WDFY4: variants seen among roughly 807,000 people sequenced by gnomAD.
WDFY4 encodes WD repeat- and FYVE domain-containing protein 4.
WDFY4 carries 169 observed loss-of-function variants against 351.9 expected under a neutral mutation model. The observed-to-expected ratio is 0.48, with a 90% confidence interval of 0.42 to 0.55. The LOEUF is 0.55. WDFY4 is among the 20% of genes least tolerant of loss of function. The pLI, the probability that WDFY4 is intolerant of heterozygous loss-of-function variation, is 0.00. For missense variants in WDFY4, 3,803 were observed against 3,935.6 expected (o/e 0.97, Z 0.90); for synonymous variants, 1,622 against 1,574.6 (o/e 1.03, Z -0.71).
chr10:48,870,829 C>T (rs2069742518), intron 40 of WDFY4, among the ~76,000 whole-genome samples: 1 of 152,220 alleles, frequency 6.6e-6, no homozygotes, highest in Non-Finnish European at 1.5e-5. Context: ...TCAGGGATCA[C>T]ACCATTGTCT....
At chr10:48,779,449 C>G (rs73308070) in intron 18 of WDFY4, among the ~76,000 whole-genome samples, 1 of 152,244 alleles carries the variant, frequency 6.6e-6, no homozygotes, top group African/African-American at 2.4e-5. Flanking sequence ...GAGAGTGTCA[C>G]TGTTTCATAG....
intron 39 of WDFY4, among the ~76,000 whole-genome samples, chr10:48,844,839 T>C (rs2068722803): frequency 6.6e-6 from 1 of 152,162 alleles, no homozygotes; most frequent in Admixed American, 6.5e-5. Context: ...CACACTCTGT[T>C]TGAGGGGAAG....
chr10:48,806,320 C>T (rs1453203042), intron 27 of WDFY4, among the ~76,000 whole-genome samples: 2 of 152,202 alleles, frequency 1.3e-5, no homozygotes, highest in African/African-American at 2.4e-5. Context: ...GTGTTCCAGG[C>T]CTCCAGAATA....
At chr10:48,787,902 TCTTCTTCTTCTTCTTCTTCTTCTTC>T (rs2066504114) in intron 20 of WDFY4, among the ~76,000 whole-genome samples, 1 of 30,424 alleles carries the variant, frequency 3.3e-5, no homozygotes, top group African/African-American at 1.8e-4. Flanking sequence ...TCCTTCTTCT[TCTTCTTCTTCTTCTTCTTCTTCTTC>T]TTCTTCTTCT....
intron 47 of WDFY4, chr10:48,913,490 A>C (rs1838200862): frequency 6.2e-7 from 1 of 1,612,306 alleles, no homozygotes; most frequent in South Asian, 1.1e-5. Context: ...TCTTGATTCT[A>C]TTCAGGTTGT....
At chr10:48,730,408 G>A (rs1157647965) in intron 8 of WDFY4, among the ~76,000 whole-genome samples, 1 of 152,232 alleles carries the variant, frequency 6.6e-6, no homozygotes, top group African/African-American at 2.4e-5. Context: ...GAATCAGACA[G>A]GAGTTTCACA....
chr10:48,686,849 A>G (rs1223710787), intron 1 of WDFY4, among the ~76,000 whole-genome samples: 1 of 152,104 alleles, frequency 6.6e-6, no homozygotes, highest in Non-Finnish European at 1.5e-5. Flanking sequence ...ATCTTGGGGC[A>G]TGTGTGCAAG....
intron 14 of WDFY4, 79 bp downstream of exon 14, chr10:48,774,751 T>A: frequency 1.3e-6 from 2 of 1,486,282 alleles, no homozygotes; most frequent in South Asian, 2.4e-5. Flanking sequence ...CAATGGGCAG[T>A]GGAGAGACTG....
intron 7 of WDFY4, among the ~76,000 whole-genome samples, chr10:48,728,494 C>T (rs2064344263): frequency 6.6e-6 from 1 of 152,210 alleles, no homozygotes; most frequent in Admixed American, 6.5e-5. Context: ...GAGAATGAGA[C>T]ACCCTCCTCC....
At chr10:48,978,437 C>A in intron 60 of WDFY4, 44 bp downstream of exon 60, 1 of 1,501,610 alleles carries the variant, frequency 6.7e-7, no homozygotes, top group South Asian at 1.3e-5. Context: ...CCTTGCCCTG[C>A]CCTCCTCACC....
At chr10:48,918,700 A>C (rs980820299) in intron 47 of WDFY4, among the ~76,000 whole-genome samples, 5 of 152,222 alleles carry the variant, frequency 3.3e-5, no homozygotes, top group Non-Finnish European at 7.3e-5. Flanking sequence ...GGGTTTCTCA[A>C]CCTTGGCTCT....
chr10:48,749,495 A>T (rs1324952074), intron 12 of WDFY4, among the ~76,000 whole-genome samples: 4 of 152,054 alleles, frequency 2.6e-5, no homozygotes, highest in African/African-American at 9.7e-5. Context: ...TGCTACATAC[A>T]GACACCACAC....
At chr10:48,777,295 GT>G in intron 16 of WDFY4, 123 bp from the exon 17 acceptor site, 1 of 946,866 alleles carries the variant, frequency 1.1e-6, no homozygotes, top group Non-Finnish European at 1.6e-6. Context: ...GGACCTTATG[GT>G]CTAAGGAGGG....
chr10:48,780,566 C>T (rs1030057915), intron 19 of WDFY4, among the ~76,000 whole-genome samples: 2 of 152,174 alleles, frequency 1.3e-5, no homozygotes, highest in Admixed American at 1.3e-4. Flanking sequence ...TGGGCAGACA[C>T]CAACACGTGT....
chr10:48,923,794 G>T (rs1839332881), intron 47 of WDFY4, among the ~76,000 whole-genome samples: 2 of 152,062 alleles, frequency 1.3e-5, no homozygotes, highest in African/African-American at 4.8e-5. Flanking sequence ...AAAAACCTGG[G>T]CTGCCTTTTG....
At chr10:48,759,939 A>G (rs2065450811) in intron 12 of WDFY4, among the ~76,000 whole-genome samples, 1 of 151,952 alleles carries the variant, frequency 6.6e-6, no homozygotes, top group Non-Finnish European at 1.5e-5. Flanking sequence ...GACAGAGCTG[A>G]GTGTGCTTAC....
intron 1 of WDFY4, among the ~76,000 whole-genome samples, chr10:48,701,238 G>A (rs915927406): frequency 2.6e-5 from 4 of 152,178 alleles, no homozygotes; most frequent in African/African-American, 7.2e-5. Context: ...GTTCATCCAT[G>A]TCGTAGCATG....
chr10:48,805,120 A>G (rs2067209170), intron 25 of WDFY4, 140 bp from the exon 26 acceptor site: 2 of 1,023,266 alleles, frequency 2.0e-6, no homozygotes, highest in South Asian at 1.7e-5. Context: ...GTCTGACGGC[A>G]TCTTGACAAA....
chr10:48,892,352 C>T (rs1484847104), intron 44 of WDFY4, among the ~76,000 whole-genome samples: 1 of 152,194 alleles, frequency 6.6e-6, no homozygotes, highest in Non-Finnish European at 1.5e-5. Context: ...TTTATGTACT[C>T]ACTTGATTTG....
Sources: gnomAD v4.1 joint callset for allele counts (sites outside exome capture counted in the v4.1 genomes callset) on GRCh38, gnomAD v4.1.1 for gene constraint, MANE v1.5 for transcripts, NCBI Gene and HGNC (gene_info 2026-07-23, HGNC 2026-07-21) for gene names.